PAPLN: variants seen among roughly 807,000 people sequenced by gnomAD.
The protein encoded by PAPLN is papilin.
Under a neutral mutation model 159.0 loss-of-function variants are expected in PAPLN, and 146 were observed. That is an observed-to-expected ratio of 0.92 (90% CI 0.80 to 1.05). The LOEUF is 1.05. PAPLN is among the 50% of genes least tolerant of loss of function. The pLI is 0.00. For synonymous variants in PAPLN, 734 were observed against 702.9 expected, an observed-to-expected ratio of 1.04 and a Z score of -0.70; for missense variants, 1,720 against 1,743.9, an observed-to-expected ratio of 0.99 and a Z score of 0.24.
Position 73,245,705 on chromosome 14 carries a change from C to T in PAPLN, c.231+9C>T. The T allele has an allele frequency of 6.5e-7, 1 of 1,543,780 alleles. No homozygotes were observed. The highest frequency in any genetic ancestry group is 8.7e-7 in the Non-Finnish European group (1 of 1,148,446). On this transcript the variant is annotated intron_variant, in intron 4 of 26. Coordinates refer to ENST00000644200, the MANE Select transcript of PAPLN (RefSeq NM_001365906.3). The surrounding 1 kb of genome is among the most constrained non-coding windows in gnomAD (Gnocchi z 4.2). ...GCTCTTGTCGCACGGAGGTAAAGCT[C>T]ACGGGGCGCGGGCGAAGGCACCAGC... is the stretch of plus-strand genomic sequence containing the variant.
At position 73,262,340 on chromosome 14, in the gene PAPLN, T is replaced by C. The variant is rs376352276; in HGVS notation, c.2246-10T>C. 7.5e-6 allele frequency: 12 copies of C among 1,601,396 alleles called. No individual in the cohort carries two copies. The highest frequency in any genetic ancestry group is 1.7e-5 in the Admixed American group (1 of 59,462). ...ACCTCAGTGACTTATATCACACCCA[T>C]GCCCTGCAGCCTACCCCGTGCGGTG... On this transcript the variant is annotated splice_polypyrimidine_tract_variant and intron_variant, in intron 18 of 26. Transcript: ENST00000644200.
At chr14:73,244,964 C>G (rs1256711707) in intron 3 of PAPLN, 3 of 476,818 alleles carry the variant, frequency 6.3e-6, no homozygotes, top group African/African-American at 4.1e-5. Flanking sequence ...AGCTGGAGCA[C>G]GCGTGCTGCC....
At chr14:73,267,735 G>A (rs1211578668) in intron 25 of PAPLN, among the ~76,000 whole-genome samples, 6 of 152,194 alleles carry the variant, frequency 3.9e-5, no homozygotes, top group Non-Finnish European at 8.8e-5. Flanking sequence ...GTCCCCACTG[G>A]TGTGCTCAGT....
At chr14:73,269,656 T>G (rs1887526098) in intron 26 of PAPLN, among the ~76,000 whole-genome samples, 1 of 152,230 alleles carries the variant, frequency 6.6e-6, no homozygotes, top group Non-Finnish European at 1.5e-5. Flanking sequence ...AGCCTGTGCT[T>G]CCTTGTGTCC....
rs1211839405 is a variant in PAPLN at position 73,252,033 on chromosome 14, C to T, written c.859C>T (p.Pro287Ser). The T allele has an allele frequency of 1.2e-6, 2 of 1,609,814 alleles. No homozygotes were observed. The highest frequency in any genetic ancestry group is 1.7e-5 in the Admixed American group (1 of 59,624). ...CCCGTGACAGCTCATCAGCCAGGAGCCCAACCCCGGTGTGCACTATGAGTA... is the reference window on the plus strand; with the variant it reads ...CCCGTGACAGCTCATCAGCCAGGAGTCCAACCCCGGTGTGCACTATGAGTA... ...PLVIELISQE[P>S]NPGVHYEYHL... The change falls in exon 10 of 27, where the codon CCC becomes TCC. Residue 287 changes from proline (P) to serine (S), a missense_variant. Physicochemically the swap from Pro to Ser is moderately conservative, Grantham distance 74. Transcript: ENST00000644200.
intron 11 of PAPLN, 55 bp downstream of exon 11, chr14:73,252,830 A>G: frequency 1.2e-6 from 2 of 1,605,444 alleles, no homozygotes; most frequent in South Asian, 1.1e-5. Flanking sequence ...TTGGGTGGGA[A>G]GGGAACAAGG....
At chr14:73,272,063 G>A (rs958701449) in intron 26 of PAPLN, 2 of 154,050 alleles carry the variant, frequency 1.3e-5, no homozygotes, top group African/African-American at 4.8e-5. Context: ...AGCAGAGAAA[G>A]GGAAAAGATA....
chr14:73,239,709 C>T, intron 1 of PAPLN, 64 bp from the exon 2 acceptor site: 1 of 1,533,374 alleles, frequency 6.5e-7, no homozygotes, highest in Non-Finnish European at 8.7e-7. Context: ...CCCACACACT[C>T]TCGCCCGCGC....
chr14:73,258,559 G>A (rs113631871), intron 14 of PAPLN, among the ~76,000 whole-genome samples: 104 of 144,352 alleles, frequency 7.2e-4, no homozygotes, highest in African/African-American at 2.4e-3. Flanking sequence ...TGAGTCAGGA[G>A]GATCACTTGA....
intron 14 of PAPLN, among the ~76,000 whole-genome samples, chr14:73,257,211 A>G (rs533847579): frequency 2.0e-5 from 3 of 152,156 alleles, no homozygotes; most frequent in Non-Finnish European, 2.9e-5. Context: ...GGCTCAGGCA[A>G]TCCTCTCACC....
chr14:73,248,028 GTT>G (rs1555361102), intron 5 of PAPLN, among the ~76,000 whole-genome samples: 11 of 98,344 alleles, frequency 1.1e-4, no homozygotes, highest in African/African-American at 2.6e-4. Context: ...GTGTGTGTGT[GTT>G]GGGATTGTGG....
intron 11 of PAPLN, among the ~76,000 whole-genome samples, 198 bp downstream of exon 11, chr14:73,252,973 T>C (rs1885468880): frequency 6.6e-6 from 1 of 152,180 alleles, no homozygotes; most frequent in East Asian, 1.9e-4. Flanking sequence ...GGCTGGTCTC[T>C]CTGCTCTCCT....
At chr14:73,252,225 C>G in intron 10 of PAPLN, 84 bp downstream of exon 10, 1 of 1,468,348 alleles carries the variant, frequency 6.8e-7, no homozygotes, top group Non-Finnish European at 9.0e-7. Flanking sequence ...ACAGCCCTCT[C>G]CTCAAGGCAG....
At chr14:73,240,645 C>T (rs1883442808) in intron 2 of PAPLN, among the ~76,000 whole-genome samples, 1 of 152,256 alleles carries the variant, frequency 6.6e-6, no homozygotes, top group East Asian at 1.9e-4. Context: ...CTAGTGGCTA[C>T]TGTATTGGAC....
chr14:73,247,797 C>CGTGTGTGT (rs869273897), intron 5 of PAPLN, among the ~76,000 whole-genome samples: 25 of 32,496 alleles, frequency 7.7e-4, no homozygotes, highest in Non-Finnish European at 9.8e-4. Flanking sequence ...TCTCTTATCC[C>CGTGTGTGT]GTGTGTGTGT....
rs1047849 is a variant in PAPLN, at chr14:73,274,478, T to C, written c.*1814T>C. On this transcript the variant is annotated 3_prime_UTR_variant, in exon 27 of 27. Coordinates refer to ENST00000644200, the MANE Select transcript of PAPLN (RefSeq NM_001365906.3). ...ATCACGGGTGAGTGATACTTCTCAG[T>C]CTTCTCTACTCATTCAACAAAGGAA... 0.16 allele frequency: 23,992 copies of C among 152,208 alleles called. 2,738 individuals carry two copies. The highest frequency in any genetic ancestry group is 0.23 in the Non-Finnish European group (15,834 of 68,002). 9.4% of individuals were successfully genotyped at this position (152,208 alleles called of 1,614,324 possible).
chr14:73,271,475 C>G (rs928244519), intron 26 of PAPLN, among the ~76,000 whole-genome samples: 21 of 151,686 alleles, frequency 1.4e-4, no homozygotes, highest in African/African-American at 4.9e-4. Flanking sequence ...GAACCCCTTC[C>G]AGAAGAGAGA....
chr14:73,262,238 A>C, intron 18 of PAPLN, 112 bp from the exon 19 acceptor site: 1 of 1,077,582 alleles, frequency 9.3e-7, no homozygotes, highest in Non-Finnish European at 1.4e-6. Context: ...GGGTGTAGAC[A>C]TGCTTTATAA....
intron 1 of PAPLN, chr14:73,239,497 C>G: frequency 2.2e-6 from 1 of 459,892 alleles, no homozygotes; most frequent in Non-Finnish European, 3.8e-6. Context: ...TTTAATTGCT[C>G]TCTCTTTTTT....
Sources: gnomAD v4.1 joint callset for allele counts (sites outside exome capture counted in the v4.1 genomes callset) on GRCh38, gnomAD v4.1.1 for gene constraint, Gnocchi (gnomAD v3.1) non-coding constraint, MANE v1.5 for transcripts, NCBI Gene and HGNC (gene_info 2026-07-23, HGNC 2026-07-21) for gene names.